Variants in NR6A1 observed in about 807,000 individuals in gnomAD.
The protein encoded by NR6A1 is retinoic acid receptor-related testis-associated receptor.
Under a neutral mutation model 59.1 loss-of-function variants are expected in NR6A1, and 7 were observed. That is an observed-to-expected ratio of 0.12 (90% CI 0.07 to 0.22). The LOEUF (loss-of-function observed/expected upper bound fraction) is 0.22, where lower values mean the gene tolerates loss of function less well. Among genes scored for constraint, NR6A1 ranks in the 10% least tolerant of loss-of-function variants. The pLI is 1.00. For synonymous variants in NR6A1, 243 were observed against 236.1 expected (o/e 1.03, Z -0.27); for missense variants, 468 against 611.6 (o/e 0.77, Z 2.48).
At chr9:124,699,466 G>C (rs1838869373) in intron 2 of NR6A1, among the ~76,000 whole-genome samples, 1 of 152,288 alleles carries the variant, frequency 6.6e-6, no homozygotes, top group African/African-American at 2.4e-5. Context: ...AGTGGGGTAG[G>C]ACACAGGGTA....
intron 2 of NR6A1, among the ~76,000 whole-genome samples, chr9:124,571,484 G>A (rs1834435810): frequency 6.6e-6 from 1 of 152,166 alleles, no homozygotes; most frequent in African/African-American, 2.4e-5. Flanking sequence ...CCTGCCTGTG[G>A]GGCACTATGT....
chr9:124,634,733 A>G (rs1031965997), intron 2 of NR6A1, among the ~76,000 whole-genome samples: 2 of 152,122 alleles, frequency 1.3e-5, no homozygotes, highest in Non-Finnish European at 2.9e-5. Context: ...GAGGCAGGAG[A>G]ATGGCGTGAA....
chr9:124,690,717 T>C (rs1382486293), intron 2 of NR6A1, among the ~76,000 whole-genome samples: 5 of 152,082 alleles, frequency 3.3e-5, no homozygotes, highest in African/African-American at 9.7e-5. Context: ...ATTTAACCCT[T>C]AACTTTTTTT....
intron 2 of NR6A1, among the ~76,000 whole-genome samples, chr9:124,696,159 G>A (rs1838752059): frequency 6.6e-6 from 1 of 152,150 alleles, no homozygotes; most frequent in African/African-American, 2.4e-5. Context: ...TGTGAGCAAG[G>A]CGCAAAGTCA....
chr9:124,737,048 AC>A (rs1840039287), intron 1 of NR6A1, among the ~76,000 whole-genome samples: 2 of 152,142 alleles, frequency 1.3e-5, no homozygotes, highest in Non-Finnish European at 2.9e-5. Context: ...CTGGGATGGA[AC>A]CCTAATATCA....
intron 2 of NR6A1, among the ~76,000 whole-genome samples, chr9:124,629,224 G>A (rs1279018930): frequency 6.6e-6 from 1 of 152,172 alleles, no homozygotes; most frequent in African/African-American, 2.4e-5. Context: ...AGAACGATAA[G>A]TAATGAAACA....
intron 2 of NR6A1, among the ~76,000 whole-genome samples, chr9:124,720,966 T>A (rs190605939): frequency 6.6e-5 from 10 of 152,302 alleles, no homozygotes; most frequent in Admixed American, 6.5e-4. Context: ...GCAACCCCTT[T>A]CAGCTTTTTT....
intron 7 of NR6A1, among the ~76,000 whole-genome samples, chr9:124,530,069 C>A (rs985042424): frequency 1.3e-5 from 2 of 152,134 alleles, no homozygotes; most frequent in African/African-American, 4.8e-5. Context: ...CACTCCAGAC[C>A]CTGCAGGTGT....
chr9:124,703,377 G>GT lies in NR6A1; in HGVS notation c.142+29930dup, dbSNP rs891247037. Among the ~76,000 whole-genome samples the GT allele has an allele frequency of 2.4e-3, 353 of 145,624 alleles. 3 individuals are homozygous for GT. Among genetic ancestry groups the GT allele is most frequent in the African/African-American group, 6.5e-3 (255 of 39,528 alleles). On this transcript the variant is annotated intron_variant, in intron 2 of 9. Transcript: ENST00000487099. ...ACAGGCACATGCCACCATGTCCAGGGTTTTTTTTTTCTTTTCTTGTAACAG... is the reference window on the plus strand; with the variant it reads ...ACAGGCACATGCCACCATGTCCAGGGTTTTTTTTTTTCTTTTCTTGTAACAG...
chr9:124,575,632 T>C (rs935056759), intron 2 of NR6A1, among the ~76,000 whole-genome samples: 3 of 152,134 alleles, frequency 2.0e-5, no homozygotes, highest in Non-Finnish European at 4.4e-5. Flanking sequence ...ATGTGTCATA[T>C]TGCTTAATCT....
chr9:124,567,946 C>T (rs1165847220), intron 2 of NR6A1, among the ~76,000 whole-genome samples: 2 of 142,984 alleles, frequency 1.4e-5, no homozygotes, highest in East Asian at 4.1e-4. Flanking sequence ...GAGGCCAGGG[C>T]GGGTGGATCA....
intron 1 of NR6A1, among the ~76,000 whole-genome samples, chr9:124,738,115 G>A (rs889220675): frequency 2.3e-4 from 35 of 151,938 alleles, no homozygotes; most frequent in Admixed American, 2.0e-3. Flanking sequence ...TTAGTCTGGC[G>A]TGGTGGTGCA....
Position 124,631,176 on chromosome 9 carries a change from C to T in NR6A1, c.143-76606G>A, listed in dbSNP as rs1025873253. On this transcript the variant is annotated intron_variant, in intron 2 of 9. Transcript: ENST00000487099. The stretch of plus-strand genomic sequence containing the variant: ...TTTTAAAAGCCCTATAAGGAATATG[C>T]GTGCTGTACCTCCCATGACCAGCGA... 6.8e-4 allele frequency among the ~76,000 whole-genome samples: 104 copies of T among 151,980 alleles called. 2 individuals are homozygous for T. Among genetic ancestry groups the T allele is most frequent in the Admixed American group, 4.9e-3 (75 of 15,264 alleles).
chr9:124,546,631 C>T (rs972510551), intron 3 of NR6A1, among the ~76,000 whole-genome samples: 4 of 152,004 alleles, frequency 2.6e-5, no homozygotes, highest in Admixed American at 2.6e-4. Context: ...TAAAGAATTG[C>T]CTTTAAAAAT....
chr9:124,755,120 T>C (rs1291393815), intron 1 of NR6A1, among the ~76,000 whole-genome samples: 1 of 152,212 alleles, frequency 6.6e-6, no homozygotes, highest in Non-Finnish European at 1.5e-5. Flanking sequence ...CTACCATTAC[T>C]ACAGTAACTC....
At chr9:124,715,877 T>C (rs937965476) in intron 2 of NR6A1, among the ~76,000 whole-genome samples, 6 of 152,202 alleles carry the variant, frequency 3.9e-5, no homozygotes, top group African/African-American at 1.4e-4. Context: ...GGTCTATAAA[T>C]AGACTCACAA....
chr9:124,651,001 A>C (rs1415455989), intron 2 of NR6A1, among the ~76,000 whole-genome samples: 1 of 152,204 alleles, frequency 6.6e-6, no homozygotes, highest in Non-Finnish European at 1.5e-5. Flanking sequence ...ATAGAAAGAA[A>C]GGACTTTGGA....
intron 2 of NR6A1, among the ~76,000 whole-genome samples, chr9:124,621,807 T>C (rs1189318532): frequency 6.6e-6 from 1 of 152,152 alleles, no homozygotes; most frequent in Admixed American, 6.5e-5. Context: ...AGATAAAACC[T>C]AAACCATAAG....
intron 1 of NR6A1, among the ~76,000 whole-genome samples, chr9:124,753,951 C>T (rs1840573751): frequency 6.6e-6 from 1 of 152,194 alleles, no homozygotes; most frequent in Admixed American, 6.5e-5. Context: ...TATCTTAAAT[C>T]ACTGAGAAGT....
Sources: allele counts gnomAD v4.1 joint callset (sites outside exome capture counted in the v4.1 genomes callset), GRCh38; gene constraint gnomAD v4.1.1; transcripts MANE v1.5; gene names NCBI Gene and HGNC (gene_info 2026-07-23, HGNC 2026-07-21).